Variants in IMMP2L observed in about 807,000 individuals in gnomAD.
IMMP2L encodes the protein inner mitochondrial membrane peptidase subunit 2.
Under a neutral mutation model 19.3 loss-of-function variants are expected in IMMP2L, and 18 were observed. The ratio of observed to expected loss-of-function variants is 0.93; its 90% CI spans 0.64 to 1.38. The LOEUF (loss-of-function observed/expected upper bound fraction) is 1.38. Ranked by LOEUF, IMMP2L falls within the 40% of genes most tolerant of loss-of-function variation. The pLI is 0.00. For synonymous variants in IMMP2L, 76 were observed against 73.0 expected, an observed-to-expected ratio of 1.04 and a Z score of -0.21; for missense variants, 233 against 218.2, an observed-to-expected ratio of 1.07 and a Z score of -0.43.
chr7:111,148,529 A>T (rs922498255), intron 3 of IMMP2L, among the ~76,000 whole-genome samples: 3 of 152,054 alleles, frequency 2.0e-5, no homozygotes, highest in Non-Finnish European at 2.9e-5. Flanking sequence ...ATTATATCTC[A>T]ATAAAGTTGT....
At chr7:111,084,300 T>TAAAA (rs56331509) in intron 3 of IMMP2L, among the ~76,000 whole-genome samples, 1 of 128,940 alleles carries the variant, frequency 7.8e-6, no homozygotes, top group Non-Finnish European at 1.6e-5. Context: ...GAAATAAAAT[T>TAAAA]AAAAAAAAAA....
chr7:111,442,160 T>C lies in IMMP2L; in HGVS notation c.239+45078A>G, dbSNP rs75407680. On this transcript the variant is annotated intron_variant, in intron 3 of 5. Coordinates refer to ENST00000405709, the MANE Select transcript of IMMP2L (RefSeq NM_032549.4). ...TCAAAAAAAAAAGCTCTGCAGGTAA[T>C]ATAGTCTGAAATATTTATCAGAGGA... Among the ~76,000 whole-genome samples the C allele has an allele frequency of 6.5e-3, 985 of 151,698 alleles. 30 individuals carry two copies. Among genetic ancestry groups the C allele is most frequent in the African/African-American group, 0.021 (868 of 41,156 alleles).
At chr7:110,979,319 C>G (rs905750674) in intron 3 of IMMP2L, among the ~76,000 whole-genome samples, 1 of 152,014 alleles carries the variant, frequency 6.6e-6, no homozygotes, top group African/African-American at 2.4e-5. Context: ...TTTCTCAAAT[C>G]CCCCTTGATT....
intron 3 of IMMP2L, among the ~76,000 whole-genome samples, chr7:111,007,891 G>A (rs756946139): frequency 3.3e-5 from 5 of 151,936 alleles, no homozygotes; most frequent in Admixed American, 1.3e-4. Context: ...ACCATTTCTC[G>A]TCTTCTAACT....
intron 5 of IMMP2L, among the ~76,000 whole-genome samples, chr7:110,755,669 A>G (rs1456140263): frequency 1.3e-5 from 2 of 152,120 alleles, no homozygotes; most frequent in African/African-American, 4.8e-5. Context: ...ATGTAAGGCT[A>G]TAGTGGAGTT....
At chr7:110,696,340 C>T (rs1339098036) in intron 5 of IMMP2L, among the ~76,000 whole-genome samples, 1 of 151,774 alleles carries the variant, frequency 6.6e-6, no homozygotes, top group Non-Finnish European at 1.5e-5. Flanking sequence ...GAAAAATGGA[C>T]TACCAGCAGG....
At chr7:111,514,971 T>G (rs552716780) in intron 2 of IMMP2L, among the ~76,000 whole-genome samples, 1 of 152,144 alleles carries the variant, frequency 6.6e-6, no homozygotes, top group Non-Finnish European at 1.5e-5. Context: ...TGTTGCTTTC[T>G]GCTATTTTCA....
intron 5 of IMMP2L, among the ~76,000 whole-genome samples, chr7:110,840,883 C>A (rs1357268265): frequency 6.6e-6 from 1 of 151,942 alleles, no homozygotes; most frequent in Non-Finnish European, 1.5e-5. Flanking sequence ...TTTAAGCTCT[C>A]TATTCTTAAT....
intron 3 of IMMP2L, among the ~76,000 whole-genome samples, chr7:111,152,910 T>C (rs1237361833): frequency 2.0e-5 from 3 of 152,116 alleles, no homozygotes; most frequent in Non-Finnish European, 2.9e-5. Flanking sequence ...TGGATAGCTG[T>C]ATATAAATAT....
At chr7:111,151,502 T>C (rs1041052479) in intron 3 of IMMP2L, among the ~76,000 whole-genome samples, 2 of 152,170 alleles carry the variant, frequency 1.3e-5, no homozygotes, top group Non-Finnish European at 2.9e-5. Flanking sequence ...AACTGACCTA[T>C]GGAATTGAAA....
chr7:110,933,429 G>A (rs1815723417), intron 4 of IMMP2L, among the ~76,000 whole-genome samples: 1 of 152,088 alleles, frequency 6.6e-6, no homozygotes, highest in Admixed American at 6.6e-5. Context: ...CTTTCTCCCT[G>A]CTCTCAGGCA....
chr7:111,313,397 T>C (rs1037508584), intron 3 of IMMP2L, among the ~76,000 whole-genome samples: 6 of 152,096 alleles, frequency 3.9e-5, no homozygotes, highest in Non-Finnish European at 8.8e-5. Flanking sequence ...GGCAGATATA[T>C]AGATAAGAGA....
chr7:110,855,384 G>C (rs920974279), intron 5 of IMMP2L, among the ~76,000 whole-genome samples: 1 of 151,950 alleles, frequency 6.6e-6, no homozygotes, highest in African/African-American at 2.4e-5. Flanking sequence ...AGTATGATAT[G>C]TAAGAAGTTC....
intron 5 of IMMP2L, among the ~76,000 whole-genome samples, chr7:110,842,926 G>A (rs1022028051): frequency 2.6e-5 from 4 of 152,078 alleles, no homozygotes; most frequent in African/African-American, 7.2e-5. Context: ...CAGGCTACCC[G>A]AATGGAAATT....
intron 3 of IMMP2L, among the ~76,000 whole-genome samples, chr7:111,317,723 G>C (rs534969122): frequency 2.8e-4 from 42 of 152,192 alleles, no homozygotes; most frequent in Admixed American, 1.8e-3. Context: ...TGGTTAGTGA[G>C]GGTGTTGATT....
chr7:111,290,323 T>A (rs554608476), intron 3 of IMMP2L, among the ~76,000 whole-genome samples: 1 of 152,252 alleles, frequency 6.6e-6, no homozygotes, highest in South Asian at 2.1e-4. Context: ...GTGCAACACA[T>A]AATATGAGGA....
At chr7:111,423,323 C>T (rs139147085) in intron 3 of IMMP2L, among the ~76,000 whole-genome samples, 1,950 of 151,796 alleles carry the variant, frequency 0.013, 41 homozygotes, top group Admixed American at 0.054. Flanking sequence ...TGGTAGAATT[C>T]GGCTGTGAAT....
chr7:111,053,905 T>G (rs977465101), intron 3 of IMMP2L, among the ~76,000 whole-genome samples: 13 of 152,220 alleles, frequency 8.5e-5, no homozygotes, highest in African/African-American at 2.9e-4. Context: ...ATATTTATTA[T>G]TTTAATTCAA....
intron 3 of IMMP2L, among the ~76,000 whole-genome samples, chr7:111,144,871 T>C (rs999962505): frequency 1.3e-5 from 2 of 152,082 alleles, no homozygotes; most frequent in Admixed American, 1.3e-4. Context: ...AAATGATCAT[T>C]AAATATATAA....
Sources: allele counts gnomAD v4.1 joint callset (sites outside exome capture counted in the v4.1 genomes callset), GRCh38; gene constraint gnomAD v4.1.1; transcripts MANE v1.5; gene names NCBI Gene and HGNC (gene_info 2026-07-23, HGNC 2026-07-21).